Variants in DIAPH3 observed in about 807,000 individuals in gnomAD.
The protein encoded by DIAPH3 is diaphanous related formin 3.
Under a neutral mutation model 144.3 loss-of-function variants are expected in DIAPH3, and 117 were observed. The observed-to-expected ratio is 0.81, with a 90% CI of 0.70 to 0.95. The LOEUF is 0.95. DIAPH3 is among the 40% of genes least tolerant of loss of function. The pLI, the probability that DIAPH3 is intolerant of heterozygous loss-of-function variation, is 0.00. For synonymous variants in DIAPH3, 519 were observed against 488.9 expected, an observed-to-expected ratio of 1.06 and a Z score of -0.81; for missense variants, 1,421 against 1,412.7, an observed-to-expected ratio of 1.01 and a Z score of -0.09.
chr13:59,757,297 A>G (rs1281069726), intron 27 of DIAPH3, among the ~76,000 whole-genome samples: 2 of 150,810 alleles, frequency 1.3e-5, no homozygotes, highest in Non-Finnish European at 2.9e-5. Flanking sequence ...CTGTTGCATT[A>G]TCCTGAAGAA....
chr13:59,669,981 G>A (rs1311067370), intron 27 of DIAPH3, among the ~76,000 whole-genome samples: 6 of 152,122 alleles, frequency 3.9e-5, no homozygotes, highest in African/African-American at 7.2e-5. Flanking sequence ...AGTACTCCTT[G>A]ATCTATACCA....
At chr13:60,105,120 A>AAAAAAAAAAAAAG (rs1239588456) in intron 3 of DIAPH3, among the ~76,000 whole-genome samples, 1 of 148,142 alleles carries the variant, frequency 6.8e-6, no homozygotes, top group East Asian at 2.0e-4. Flanking sequence ...AAAAAAAAAA[A>AAAAAAAAAAAAAG]AAAAACTGCC....
chr13:60,039,238 A>G (rs1046268991), intron 5 of DIAPH3, among the ~76,000 whole-genome samples: 2 of 152,086 alleles, frequency 1.3e-5, no homozygotes, highest in East Asian at 1.9e-4. Flanking sequence ...TAAAAATATT[A>G]CATATCCAGA....
chr13:60,015,798 T>C, intron 7 of DIAPH3, 115 bp downstream of exon 7: 2 of 908,300 alleles, frequency 2.2e-6, no homozygotes, highest in South Asian at 2.8e-5. Context: ...AATTCAATAT[T>C]TTTCCATCAT....
intron 25 of DIAPH3, among the ~76,000 whole-genome samples, chr13:59,780,697 G>A (rs1181537554): frequency 6.6e-6 from 1 of 152,154 alleles, no homozygotes. Flanking sequence ...ACCGAAAGAA[G>A]GCGGAACTGC....
intron 12 of DIAPH3, among the ~76,000 whole-genome samples, chr13:59,987,211 A>T: frequency 6.6e-6 from 1 of 151,830 alleles, no homozygotes; most frequent in Non-Finnish European, 1.5e-5. Context: ...CATTCTCAGT[A>T]AACTATCGCA....
intron 9 of DIAPH3, among the ~76,000 whole-genome samples, chr13:60,005,261 A>G (rs2052783728): frequency 6.6e-6 from 1 of 152,220 alleles, no homozygotes; most frequent in Non-Finnish European, 1.5e-5. Context: ...ACAAAGATCC[A>G]CATAATGCAT....
intron 21 of DIAPH3, among the ~76,000 whole-genome samples, chr13:59,872,952 T>C (rs1197029820): frequency 6.6e-6 from 1 of 152,228 alleles, no homozygotes; most frequent in Non-Finnish European, 1.5e-5. Flanking sequence ...AGAAGAATCA[T>C]TCTCATTTAC....
At chr13:60,091,919 T>C (rs1186701544) in intron 4 of DIAPH3, among the ~76,000 whole-genome samples, 1 of 151,914 alleles carries the variant, frequency 6.6e-6, no homozygotes, top group Non-Finnish European at 1.5e-5. Flanking sequence ...CGAAGTTCAC[T>C]GCAGCCTCGA....
At chr13:59,744,306 T>C (rs1350967776) in intron 27 of DIAPH3, among the ~76,000 whole-genome samples, 4 of 152,170 alleles carry the variant, frequency 2.6e-5, no homozygotes, top group Non-Finnish European at 5.9e-5. Context: ...GGTGACATTA[T>C]GAGTAGAAAT....
chr13:59,719,150 G>A (rs1012717488), intron 27 of DIAPH3, among the ~76,000 whole-genome samples: 4 of 151,976 alleles, frequency 2.6e-5, no homozygotes, highest in African/African-American at 9.7e-5. Flanking sequence ...ACCATATAAA[G>A]CCTTCCTTCC....
intron 5 of DIAPH3, among the ~76,000 whole-genome samples, chr13:60,031,263 T>C (rs2054771821): frequency 6.6e-6 from 1 of 151,542 alleles, no homozygotes; most frequent in Non-Finnish European, 1.5e-5. Flanking sequence ...AATGATGAGA[T>C]CTTACAAGAA....
At chr13:59,800,004 T>C (rs1360784557) in intron 25 of DIAPH3, among the ~76,000 whole-genome samples, 4 of 125,204 alleles carry the variant, frequency 3.2e-5, no homozygotes, top group Non-Finnish European at 6.8e-5. Context: ...GATAAACACT[T>C]ACTTCAAAAA....
intron 17 of DIAPH3, among the ~76,000 whole-genome samples, chr13:59,966,358 T>A (rs533069618): frequency 2.6e-5 from 4 of 151,966 alleles, no homozygotes; most frequent in African/African-American, 9.6e-5. Context: ...AATATGTAAA[T>A]GTAGGTAGGG....
intron 3 of DIAPH3, among the ~76,000 whole-genome samples, chr13:60,100,159 G>A (rs1259555552): frequency 6.6e-6 from 1 of 152,108 alleles, no homozygotes; most frequent in Admixed American, 6.6e-5. Context: ...CTTTACAAGG[G>A]AAGAAGCTGG....
At chr13:60,027,355 A>G (rs1419257552) in intron 5 of DIAPH3, among the ~76,000 whole-genome samples, 7 of 152,226 alleles carry the variant, frequency 4.6e-5, no homozygotes, top group East Asian at 1.9e-4. Context: ...ACTAATATGT[A>G]TATTTTCTTG....
rs893020318 is a variant in DIAPH3, at chr13:60,074,301, T to C, written c.495+19327A>G. 5.9e-5 allele frequency among the ~76,000 whole-genome samples: 9 copies of C among 152,304 alleles called. No individual in the cohort carries two copies. The East Asian group carries it at 1.4e-3, about 23-fold the overall frequency. On this transcript the variant is annotated intron_variant, in intron 4 of 27. Coordinates refer to ENST00000400324, the MANE Select transcript of DIAPH3 (RefSeq NM_001042517.2). ...GCTCTCTGAAGTGCTATAGACCTTA[T>C]CTTATTCACATTAACTACCCCAAGT...
intron 16 of DIAPH3, among the ~76,000 whole-genome samples, 200 bp downstream of exon 16, chr13:59,970,652 T>C (rs2050311646): frequency 6.6e-6 from 1 of 152,020 alleles, no homozygotes; most frequent in African/African-American, 2.4e-5. Flanking sequence ...AAAGTCTTAG[T>C]CAATATGAAA....
At chr13:60,096,856 G>A (rs2058118187) in intron 3 of DIAPH3, among the ~76,000 whole-genome samples, 3 of 152,126 alleles carry the variant, frequency 2.0e-5, no homozygotes, top group African/African-American at 4.8e-5. Context: ...AACTTCCCTG[G>A]TTTTGAAAAC....
Sources: gnomAD v4.1 joint callset for allele counts (sites outside exome capture counted in the v4.1 genomes callset) on GRCh38, gnomAD v4.1.1 for gene constraint, MANE v1.5 for transcripts, NCBI Gene and HGNC (gene_info 2026-07-23, HGNC 2026-07-21) for gene names.